LRRC39: variants seen among roughly 807,000 people sequenced by gnomAD.
LRRC39 encodes the protein leucine rich repeat containing 39.
A neutral mutation model predicts 39.7 loss-of-function variants in LRRC39; 35 were observed. The ratio of observed to expected loss-of-function variants is 0.88; its 90% CI spans 0.67 to 1.17. LRRC39 has a LOEUF of 1.17. Ranked by LOEUF, LRRC39 falls within the 50% of genes most tolerant of loss-of-function variation. The probability of loss-of-function intolerance (pLI) is 0.00; values close to 1 mark genes in which losing one functional copy is unlikely to be tolerated. For missense variants in LRRC39, 357 were observed against 385.8 expected, an observed-to-expected ratio of 0.93 and a Z score of 0.62; for synonymous variants, 113 against 134.1, an observed-to-expected ratio of 0.84 and a Z score of 1.09.
chr1:100,152,281 G>A, intron 9 of LRRC39, 104 bp downstream of exon 9: 1 of 1,169,192 alleles, frequency 8.6e-7, no homozygotes, highest in South Asian at 2.3e-5. Flanking sequence ...AACTTAAGAT[G>A]GAATGAGAAA....
intron 3 of LRRC39, among the ~76,000 whole-genome samples, chr1:100,162,510 G>A (rs1237533472): frequency 1.3e-5 from 2 of 151,934 alleles, no homozygotes; most frequent in African/African-American, 2.4e-5. Context: ...GTGGTGATGC[G>A]TGCCTGGAGT....
intron 3 of LRRC39, among the ~76,000 whole-genome samples, chr1:100,163,998 A>C (rs1294024124): frequency 6.6e-6 from 1 of 152,078 alleles, no homozygotes; most frequent in Non-Finnish European, 1.5e-5. Context: ...ACTTGAACCC[A>C]GGAGGCAGAG....
chr1:100,151,111 CAGAG>C (rs1290647077), intron 9 of LRRC39, among the ~76,000 whole-genome samples: 2 of 111,466 alleles, frequency 1.8e-5, no homozygotes, highest in African/African-American at 7.2e-5. Context: ...CCTGGGCAAC[CAGAG>C]AGAAACTCCT....
chr1:100,165,031 GT>G (rs1475446774), intron 3 of LRRC39, among the ~76,000 whole-genome samples: 2 of 152,070 alleles, frequency 1.3e-5, no homozygotes, highest in Admixed American at 1.3e-4. Flanking sequence ...CATATTACAG[GT>G]TTTAAACCTA....
rs1197020418 is a variant in LRRC39, at chr1:100,159,422, T to A, written c.220-7A>T. 1 of 1,581,108 alleles carries A rather than the reference T, an allele frequency of 6.3e-7. No individual in the cohort carries two copies. The highest frequency in any genetic ancestry group is 2.3e-5 in the East Asian group (1 of 43,740). ...GCAGAGAAGAAGGGAGGGTCTACAGTAAAAGAAATGATGGTTGTTGTATAT... is the reference window on the plus strand; with the variant it reads ...GCAGAGAAGAAGGGAGGGTCTACAGAAAAAGAAATGATGGTTGTTGTATAT... On this transcript the variant is annotated splice_region_variant and splice_polypyrimidine_tract_variant and intron_variant, in intron 4 of 9. Coordinates refer to ENST00000370137, the MANE Select transcript of LRRC39 (RefSeq NM_144620.4).
intron 1 of LRRC39, among the ~76,000 whole-genome samples, chr1:100,176,640 G>C (rs1487027591): frequency 2.6e-5 from 4 of 152,072 alleles, no homozygotes; most frequent in Non-Finnish European, 5.9e-5. Context: ...AACAAAATGT[G>C]GCATGATTTT....
chr1:100,160,635 T>C, intron 3 of LRRC39, 64 bp from the exon 4 acceptor site: 1 of 1,390,452 alleles, frequency 7.2e-7, no homozygotes, highest in Non-Finnish European at 1.0e-6. Context: ...ACTTTTTTTT[T>C]TTTTTGAGAG....
chr1:100,151,013 GCTA>G (rs1657955424), intron 9 of LRRC39, among the ~76,000 whole-genome samples: 1 of 150,890 alleles, frequency 6.6e-6, no homozygotes, highest in Admixed American at 6.7e-5. Flanking sequence ...ATGCCTGTAA[GCTA>G]CTCAGGAGGC....
intron 9 of LRRC39, among the ~76,000 whole-genome samples, chr1:100,151,584 T>C (rs1021194969): frequency 6.6e-6 from 1 of 152,346 alleles, no homozygotes; most frequent in Middle Eastern, 3.4e-3. Context: ...ATCTACCTTT[T>C]AAGTTAAAAA....
At chr1:100,161,768 T>C (rs952731763) in intron 3 of LRRC39, among the ~76,000 whole-genome samples, 2 of 152,182 alleles carry the variant, frequency 1.3e-5, no homozygotes, top group South Asian at 2.1e-4. Flanking sequence ...CACTTCAGCC[T>C]CCTGAGTAGC....
chr1:100,155,260 G>A (rs1658379100), intron 7 of LRRC39, 57 bp from the exon 8 acceptor site: 3 of 1,407,842 alleles, frequency 2.1e-6, no homozygotes, highest in Admixed American at 2.8e-5. Context: ...ATTGGTTTTG[G>A]AGTTTTAACA....
chr1:100,154,908 A>C, intron 8 of LRRC39, 143 bp downstream of exon 8: 1 of 679,520 alleles, frequency 1.5e-6, no homozygotes, highest in Non-Finnish European at 2.3e-6. Context: ...AAATTATAGA[A>C]TGTCAACATT....
chr1:100,171,046 T>C lies in LRRC39; in HGVS notation c.-79+2285A>G, dbSNP rs1002312647. ...TAAGAGATTTAATCCACAAGAAATA[T>C]AAAACAACTTTAAACTACATGCCTC... On this transcript the variant is annotated intron_variant, in intron 2 of 9. Coordinates refer to ENST00000370137, the MANE Select transcript of LRRC39 (RefSeq NM_144620.4). 2.2e-4 allele frequency among the ~76,000 whole-genome samples: 33 copies of C among 152,114 alleles called. 2 individuals are homozygous for C. Among genetic ancestry groups the C allele is most frequent in the Admixed American group, 1.7e-3 (26 of 15,262 alleles).
At position 100,168,594 on chromosome 1, in the gene LRRC39, C is replaced by A. The variant is rs1001328401; in HGVS notation, c.-78G>T. On this transcript the variant is annotated splice_region_variant and 5_prime_UTR_variant, in exon 3 of 10. Transcript: ENST00000370137. Reference sequence around the variant, plus strand: ...ATCATAGATACCATTTCAGAAAGGACCTAAATGTACCAGAGAAAAAAAGCA... The same window carrying A: ...ATCATAGATACCATTTCAGAAAGGAACTAAATGTACCAGAGAAAAAAAGCA... 9.7e-7 allele frequency: 1 copy of A among 1,033,438 alleles called. No homozygotes were observed. Among genetic ancestry groups the A allele is most frequent in the Admixed American group, 2.3e-5 (1 of 43,256 alleles). 64.0% of individuals were successfully genotyped at this position (1,033,438 alleles called of 1,614,324 possible). A position where few individuals can be genotyped will look rare whatever the true frequency, so the allele number is the denominator to read the frequency against.
chr1:100,165,836 C>T (rs2101786798), intron 3 of LRRC39, among the ~76,000 whole-genome samples: 1 of 151,772 alleles, frequency 6.6e-6, no homozygotes, highest in South Asian at 2.1e-4. Context: ...CATTCTCTCT[C>T]CCAAGATCTG....
chr1:100,152,966 A>G (rs1009856201), intron 8 of LRRC39, among the ~76,000 whole-genome samples: 1 of 152,200 alleles, frequency 6.6e-6, no homozygotes, highest in Non-Finnish European at 1.5e-5. Context: ...GCCTCAAGTG[A>G]TCTGCCTGCC....
rs901635363 is a variant in LRRC39 at position 100,155,077 on chromosome 1, T to A, written c.786A>T (p.Val262=). ...TCAGATTTGCCATTTCTTCCATGCA[T>A]ACTGGAATATCTTGCAGTTTATTGT... ...LSNNKLQDIP[V]CMEEMANLRF... The change falls in exon 8 of 10, where the codon GTA becomes GTT. Residue 262 remains valine, a synonymous_variant. Transcript: ENST00000370137. 3 of 1,595,736 alleles carry A rather than the reference T, an allele frequency of 1.9e-6. No individual in the cohort carries two copies. Among genetic ancestry groups the A allele is most frequent in the Non-Finnish European group, 2.6e-6 (3 of 1,174,318 alleles).
At chr1:100,172,232 A>C (rs1659665142) in intron 2 of LRRC39, among the ~76,000 whole-genome samples, 2 of 152,186 alleles carry the variant, frequency 1.3e-5, no homozygotes, top group Non-Finnish European at 2.9e-5. Context: ...TAGAAAAGAA[A>C]TACTCCCCAA....
In LRRC39 at chr1:100,148,985, C is replaced by G; in HGVS notation, c.*57G>C. 1 of 1,417,630 alleles carries G rather than the reference C, an allele frequency of 7.1e-7. No homozygotes were observed. The highest frequency in any genetic ancestry group is 1.6e-5 in the South Asian group (1 of 61,352). 87.8% of individuals were successfully genotyped at this position (1,417,630 alleles called of 1,614,324 possible). ...TAGCTTTTCTTTTTACTTCAGAAAT[C>G]CAAACATTAGAGAATTCACCAAAGT... On this transcript the variant is annotated 3_prime_UTR_variant, in exon 10 of 10. Transcript: ENST00000370137.
Sources: allele counts gnomAD v4.1 joint callset (sites outside exome capture counted in the v4.1 genomes callset), GRCh38; gene constraint gnomAD v4.1.1; transcripts MANE v1.5; gene names NCBI Gene and HGNC (gene_info 2026-07-23, HGNC 2026-07-21).